Variants in NRCAM observed in about 807,000 individuals in gnomAD.
NRCAM encodes the protein NgCAM-related cell adhesion molecule.
In NRCAM, 83 loss-of-function variants were observed where a neutral mutation model predicts 156.5. The ratio of observed to expected loss-of-function variants is 0.53; its 90% CI spans 0.44 to 0.64. The LOEUF (loss-of-function observed/expected upper bound fraction) is 0.64. NRCAM is among the 30% of genes least tolerant of loss of function. The pLI, the probability that NRCAM is intolerant of heterozygous loss-of-function variation, is 0.00. For missense variants in NRCAM, 1,417 were observed against 1,597.3 expected (o/e 0.89, Z 1.92); for synonymous variants, 538 against 563.9 (o/e 0.95, Z 0.65).
chr7:108,255,913 T>TGGGG (rs1254553229), intron 3 of NRCAM, among the ~76,000 whole-genome samples: 1 of 142,942 alleles, frequency 7.0e-6, no homozygotes, highest in Non-Finnish European at 1.5e-5. Flanking sequence ...GTCCGGGAGG[T>TGGGG]GGGGGGCAGC....
intron 27 of NRCAM, among the ~76,000 whole-genome samples, chr7:108,175,809 A>C (rs1406008853): frequency 1.3e-5 from 2 of 152,194 alleles, no homozygotes; most frequent in Admixed American, 6.5e-5. Context: ...TTTCAGAATA[A>C]CTTTTTAAAG....
chr7:108,421,355 T>A (rs1016040), intron 1 of NRCAM, among the ~76,000 whole-genome samples: 118,488 of 152,118 alleles, frequency 0.78, 47,951 homozygotes, highest in East Asian at 0.95. Flanking sequence ...TAATATCACA[T>A]GCCATTTATC....
rs374163285 is a variant in NRCAM, at chr7:108,198,787, G to A, written c.1208-688C>T. 2.7e-4 allele frequency among the ~76,000 whole-genome samples: 41 copies of A among 152,310 alleles called. No individual in the cohort carries two copies. The East Asian group carries it at 6.9e-3, about 26-fold the overall frequency. ...TGCTGTGGATATTCTTGAAGCTGAAGTATAAATAAATTGTGTAAATTCCTC... is the reference window on the plus strand; with the variant it reads ...TGCTGTGGATATTCTTGAAGCTGAAATATAAATAAATTGTGTAAATTCCTC... On this transcript the variant is annotated intron_variant, in intron 13 of 32. Coordinates refer to ENST00000379028, the MANE Select transcript of NRCAM (RefSeq NM_001037132.4).
intron 1 of NRCAM, among the ~76,000 whole-genome samples, chr7:108,414,355 C>T (rs980001383): frequency 6.6e-6 from 1 of 152,274 alleles, no homozygotes; most frequent in East Asian, 1.9e-4. Context: ...TGGCTTCCCC[C>T]GTTCCCTCAC....
intron 2 of NRCAM, among the ~76,000 whole-genome samples, chr7:108,331,682 A>G: frequency 6.6e-6 from 1 of 152,186 alleles, no homozygotes; most frequent in South Asian, 2.1e-4. Flanking sequence ...TAAAACAGAC[A>G]CCATCTATGA....
At chr7:108,226,078 T>C in intron 9 of NRCAM, 130 bp downstream of exon 9, 2 of 650,668 alleles carry the variant, frequency 3.1e-6, no homozygotes, top group Non-Finnish European at 5.3e-6. Flanking sequence ...AACACTTTAG[T>C]GAGCATTCAT....
chr7:108,432,822 A>G (rs1827104790), intron 1 of NRCAM, among the ~76,000 whole-genome samples: 1 of 152,054 alleles, frequency 6.6e-6, no homozygotes. Flanking sequence ...GGATGGCTGG[A>G]ACCTGGGAGG....
chr7:108,454,907 T>C (rs1200537653), intron 1 of NRCAM, among the ~76,000 whole-genome samples: 2 of 152,138 alleles, frequency 1.3e-5, no homozygotes, highest in African/African-American at 4.8e-5. Context: ...TCTGCGCCGG[T>C]GGTAGCCAAG....
At chr7:108,314,510 G>C (rs1335919035) in intron 2 of NRCAM, among the ~76,000 whole-genome samples, 6 of 152,066 alleles carry the variant, frequency 3.9e-5, no homozygotes, top group Non-Finnish European at 1.5e-5. Flanking sequence ...GTAGCCTTCA[G>C]AAAAGACAGA....
At chr7:108,210,578 A>C (rs1588385820) in intron 11 of NRCAM, among the ~76,000 whole-genome samples, 1 of 152,110 alleles carries the variant, frequency 6.6e-6, no homozygotes, top group East Asian at 1.9e-4. Context: ...TGGAATATGG[A>C]GACAGATGAA....
chr7:108,310,691 T>A (rs936746263), intron 3 of NRCAM, among the ~76,000 whole-genome samples: 7 of 152,192 alleles, frequency 4.6e-5, no homozygotes, highest in Non-Finnish European at 1.0e-4. Flanking sequence ...CTTTAGAATT[T>A]TGGGAAGTTT....
At chr7:108,339,610 T>G (rs1049664144) in intron 2 of NRCAM, among the ~76,000 whole-genome samples, 3 of 152,122 alleles carry the variant, frequency 2.0e-5, no homozygotes, top group African/African-American at 7.2e-5. Flanking sequence ...CCCCTTTCTT[T>G]GGGTTAAGAA....
intron 2 of NRCAM, among the ~76,000 whole-genome samples, chr7:108,344,497 A>AG (rs2099329903): frequency 6.6e-6 from 1 of 151,946 alleles, no homozygotes; most frequent in Admixed American, 6.6e-5. Context: ...ACTGAAAAAA[A>AG]ACCCCTGCAA....
At chr7:108,293,322 G>C (rs2098366029) in intron 3 of NRCAM, among the ~76,000 whole-genome samples, 1 of 152,134 alleles carries the variant, frequency 6.6e-6, no homozygotes, top group African/African-American at 2.4e-5. Flanking sequence ...CCTCCTTTCT[G>C]ATTAACTAGA....
chr7:108,353,517 C>T (rs2099444310), intron 2 of NRCAM, among the ~76,000 whole-genome samples: 1 of 151,936 alleles, frequency 6.6e-6, no homozygotes. Context: ...GACGGGCTCT[C>T]ATTATGTTGC....
chr7:108,193,577 T>C (rs552761866), intron 17 of NRCAM, among the ~76,000 whole-genome samples: 1 of 152,322 alleles, frequency 6.6e-6, no homozygotes, highest in African/African-American at 2.4e-5. Flanking sequence ...TCACTGGCTT[T>C]AGGTAAAATC....
chr7:108,416,638 C>T (rs1366569895), intron 1 of NRCAM, among the ~76,000 whole-genome samples: 1 of 151,866 alleles, frequency 6.6e-6, no homozygotes, highest in African/African-American at 2.4e-5. Flanking sequence ...CAAGGAAAAA[C>T]TTGGGTTTTT....
At chr7:108,379,470 G>C (rs377181277) in intron 2 of NRCAM, among the ~76,000 whole-genome samples, 1 of 152,148 alleles carries the variant, frequency 6.6e-6, no homozygotes. Flanking sequence ...AGCTGGAGGA[G>C]AGGAGATTTG....
intron 3 of NRCAM, among the ~76,000 whole-genome samples, chr7:108,295,872 A>C (rs2098444279): frequency 6.6e-6 from 1 of 152,198 alleles, no homozygotes; most frequent in Non-Finnish European, 1.5e-5. Flanking sequence ...GAGCCTCTGC[A>C]GGGCACAGAG....
Sources: gnomAD v4.1 joint callset for allele counts (sites outside exome capture counted in the v4.1 genomes callset) on GRCh38, gnomAD v4.1.1 for gene constraint, MANE v1.5 for transcripts, NCBI Gene and HGNC (gene_info 2026-07-23, HGNC 2026-07-21) for gene names.